The following ACOXL variants were observed in gnomAD, a reference collection of about 807,000 sequenced individuals.
The protein encoded by ACOXL is acyl-CoA oxidase like, also known as acyl-coenzyme A oxidase-like protein.
Under a neutral mutation model 71.9 loss-of-function variants are expected in ACOXL, and 70 were observed. The ratio of observed to expected loss-of-function variants is 0.97; its 90% CI spans 0.80 to 1.19. The LOEUF (loss-of-function observed/expected upper bound fraction) is 1.19, where lower values mean the gene tolerates loss of function less well. Among genes scored for constraint, ACOXL ranks in the 50% most tolerant of loss-of-function variants. The pLI, the probability that ACOXL is intolerant of heterozygous loss-of-function variation, is 0.00. For synonymous variants in ACOXL, 253 were observed against 281.6 expected (o/e 0.90, Z 1.02); for missense variants, 703 against 736.3 (o/e 0.95, Z 0.52).
chr2:110,908,120 A>G (rs2059523742), intron 10 of ACOXL, among the ~76,000 whole-genome samples: 1 of 152,232 alleles, frequency 6.6e-6, no homozygotes, highest in Admixed American at 6.5e-5. Context: ...ATCTACAACT[A>G]TGAGATCCTG....
At chr2:110,905,625 G>A (rs1393807588) in intron 10 of ACOXL, among the ~76,000 whole-genome samples, 1 of 152,116 alleles carries the variant, frequency 6.6e-6, no homozygotes, top group Non-Finnish European at 1.5e-5. Flanking sequence ...AATGCAATGT[G>A]GCTAAAAACT....
intron 11 of ACOXL, among the ~76,000 whole-genome samples, chr2:110,924,240 A>T (rs992969567): frequency 2.6e-5 from 4 of 152,192 alleles, no homozygotes; most frequent in African/African-American, 9.6e-5. Context: ...TCTTGACTTG[A>T]TGTTGATGGC....
intron 10 of ACOXL, among the ~76,000 whole-genome samples, chr2:110,902,894 C>T (rs1452023307): frequency 6.6e-6 from 1 of 152,156 alleles, no homozygotes; most frequent in Non-Finnish European, 1.5e-5. Context: ...TACAAGCTCT[C>T]TTGAATCCTG....
At chr2:111,079,939 G>A (rs1431433251) in intron 16 of ACOXL, among the ~76,000 whole-genome samples, 1 of 150,630 alleles carries the variant, frequency 6.6e-6, no homozygotes, top group Non-Finnish European at 1.5e-5. Context: ...CTTCTTCCTG[G>A]TTTAGTCTTG....
At chr2:111,092,806 T>A (rs2068600879) in intron 16 of ACOXL, 59 bp from the exon 17 acceptor site, 3 of 1,198,556 alleles carry the variant, frequency 2.5e-6, no homozygotes, top group Non-Finnish European at 3.7e-6. Context: ...CTCCTTAGAT[T>A]TTGTGTTTTC....
intron 9 of ACOXL, among the ~76,000 whole-genome samples, chr2:110,832,532 G>A (rs1227841016): frequency 7.2e-6 from 1 of 138,608 alleles, no homozygotes; most frequent in Non-Finnish European, 1.5e-5. Flanking sequence ...GCGACAGAGC[G>A]AGACTCCATC....
chr2:110,933,483 C>T lies in ACOXL; in HGVS notation c.906-6C>T. 1 of 1,612,970 alleles carries T rather than the reference C, an allele frequency of 6.2e-7. No individual in the cohort carries two copies. The highest frequency in any genetic ancestry group is 8.5e-7 in the Non-Finnish European group (1 of 1,179,386). On this transcript the variant is annotated splice_polypyrimidine_tract_variant and splice_region_variant and intron_variant, in intron 11 of 17. Transcript: ENST00000439055. ...TTCCATCACACATGTCTGCTTTGTC[C>T]TGCAGGTATGCTGGGGCCCTCCTGG...
At chr2:110,807,474 C>T (rs559564285) in intron 9 of ACOXL, among the ~76,000 whole-genome samples, 241 of 152,310 alleles carry the variant, frequency 1.6e-3, no homozygotes, top group Non-Finnish European at 2.9e-3. Context: ...ATGCTGGGTA[C>T]CCTCGCCTCC....
intron 12 of ACOXL, among the ~76,000 whole-genome samples, chr2:110,938,423 A>C (rs763607601): frequency 6.6e-6 from 1 of 152,268 alleles, no homozygotes; most frequent in Non-Finnish European, 1.5e-5. Context: ...GATCCAGTGC[A>C]CAGAGGCTCA....
chr2:110,965,796 A>G (rs548919253), intron 12 of ACOXL, among the ~76,000 whole-genome samples: 63 of 152,300 alleles, frequency 4.1e-4, no homozygotes, highest in African/African-American at 1.5e-3. Context: ...GAGGCTGCCT[A>G]GGGACTTTGG....
chr2:110,733,047 G>A (rs1213047335), intron 1 of ACOXL: 1 of 152,380 alleles, frequency 6.6e-6, no homozygotes, highest in Non-Finnish European at 1.5e-5. Context: ...TGCAGGGCTG[G>A]GCCCCGCGGT....
At chr2:110,751,679 A>G (rs1204443494) in intron 1 of ACOXL, among the ~76,000 whole-genome samples, 1 of 152,204 alleles carries the variant, frequency 6.6e-6, no homozygotes, top group Non-Finnish European at 1.5e-5. Flanking sequence ...ATCAAAATAC[A>G]TAGAACATTA....
rs117766485 is a variant in ACOXL at position 111,017,264 on chromosome 2, C to T, written c.1282-14363C>T. On this transcript the variant is annotated intron_variant, in intron 14 of 17. Transcript: ENST00000439055. ...TGCACAAGGCCAGAGGGCAGGCCCT[C>T]GTGGTGAGCTGGGATCACAGACATT... 2.5e-3 allele frequency among the ~76,000 whole-genome samples: 374 copies of T among 152,330 alleles called. 7 individuals carry two copies. The East Asian group carries it at 0.047, about 19-fold the overall frequency.
At chr2:110,838,904 G>A (rs970289244) in intron 9 of ACOXL, among the ~76,000 whole-genome samples, 20 of 152,242 alleles carry the variant, frequency 1.3e-4, no homozygotes, top group Non-Finnish European at 2.4e-4. Flanking sequence ...CCTGCCAGGA[G>A]CCCTGGCTGC....
intron 12 of ACOXL, among the ~76,000 whole-genome samples, chr2:110,941,652 A>G (rs1429728801): frequency 6.6e-6 from 1 of 152,228 alleles, no homozygotes; most frequent in East Asian, 1.9e-4. Flanking sequence ...AAGTAAAGAG[A>G]CAGTAGAATG....
intron 1 of ACOXL, among the ~76,000 whole-genome samples, chr2:110,748,779 C>T (rs72830982): frequency 0.054 from 8,216 of 152,276 alleles, 358 homozygotes; most frequent in African/African-American, 0.11. Flanking sequence ...CTTTGCTCTC[C>T]GCCTTTGGGG....
rs1437838608 is a variant in ACOXL, at chr2:110,811,231, CAG to C, written c.753+5839_753+5840del. Among the ~76,000 whole-genome samples the C allele has an allele frequency of 2.6e-5, 4 of 152,332 alleles. No individual in the cohort carries two copies. In the South Asian group the frequency reaches 8.3e-4, roughly 32 times the overall value. On this transcript the variant is annotated intron_variant, in intron 9 of 17. Coordinates refer to ENST00000439055, the MANE Select transcript of ACOXL (RefSeq NM_001142807.4). The stretch of plus-strand genomic sequence containing the variant: ...CAGGCAGGAGTGTTCAAGGAAAGGA[CAG>C]AGGCATTCACCATTCTCAGAGCCTG...
At chr2:110,760,460 A>G (rs1305252771) in intron 1 of ACOXL, among the ~76,000 whole-genome samples, 1 of 152,240 alleles carries the variant, frequency 6.6e-6, no homozygotes, top group African/African-American at 2.4e-5. Context: ...ATAGCTAGTT[A>G]TAATGCAATA....
rs565536296 is a variant in ACOXL at position 111,068,007 on chromosome 2, A to T, written c.1440+18719A>T. On this transcript the variant is annotated intron_variant, in intron 16 of 17. Coordinates refer to ENST00000439055, the MANE Select transcript of ACOXL (RefSeq NM_001142807.4). ...CCCTCTCTTGGACTGTTGGGAGAAT[A>T]AAAAATCATGGGGTCCCCAGGGCCT... 2.0e-5 allele frequency among the ~76,000 whole-genome samples: 3 copies of T among 152,036 alleles called. No homozygotes were observed. In the South Asian group the frequency reaches 6.2e-4, roughly 32 times the overall value.
Sources: gnomAD v4.1 joint callset for allele counts (sites outside exome capture counted in the v4.1 genomes callset) on GRCh38, gnomAD v4.1.1 for gene constraint, MANE v1.5 for transcripts, NCBI Gene and HGNC (gene_info 2026-07-23, HGNC 2026-07-21) for gene names.